ASTN2: variants seen among roughly 807,000 people sequenced by gnomAD.
ASTN2 encodes the protein astrotactin 2.
Under a neutral mutation model 139.8 loss-of-function variants are expected in ASTN2, and 54 were observed. The observed-to-expected ratio is 0.39, with a 90% CI of 0.31 to 0.48. The LOEUF is 0.48. Ranked by LOEUF, ASTN2 falls within the 20% of genes least tolerant of loss-of-function variation. The pLI, the probability that ASTN2 is intolerant of heterozygous loss-of-function variation, is 0.95. For missense variants in ASTN2, 1,565 were observed against 1,725.1 expected (o/e 0.91, Z 1.64); for synonymous variants, 756 against 719.5 (o/e 1.05, Z -0.81).
rs1246320964 is a variant in ASTN2 at position 116,976,785 on chromosome 9, C to G, written c.1592G>C (p.Gly531Ala). The change falls in exon 8 of 23, where the codon GGA becomes GCA. Residue 531 changes from glycine to alanine, a missense_variant and splice_region_variant. Transcript: ENST00000313400. ...ACEQLCDPET[G>A]ECSCHEGYAP... is the part of the protein sequence containing the mutation. ...ATAGCCTTCATGACAGCTGCACTCTCCTGTAAGTGAAAAGAAAAAAGATTA... is the reference window on the plus strand; with the variant it reads ...ATAGCCTTCATGACAGCTGCACTCTGCTGTAAGTGAAAAGAAAAAAGATTA... 6.2e-7 allele frequency: 1 copy of G among 1,613,742 alleles called. No individual in the cohort carries two copies.
intron 2 of ASTN2, among the ~76,000 whole-genome samples, chr9:117,289,486 C>A (rs1834531848): frequency 6.6e-6 from 1 of 152,164 alleles, no homozygotes; most frequent in South Asian, 2.1e-4. Flanking sequence ...GCAAAAAAGA[C>A]ACATTGGAGG....
At chr9:116,919,640 ATTTT>A (rs72054196) in intron 10 of ASTN2, among the ~76,000 whole-genome samples, 8 of 113,568 alleles carry the variant, frequency 7.0e-5, no homozygotes, top group African/African-American at 2.1e-4. Context: ...CAAAAACATC[ATTTT>A]TTTTTTTTTT....
intron 7 of ASTN2, among the ~76,000 whole-genome samples, chr9:116,993,481 C>T (rs1234218838): frequency 6.6e-6 from 1 of 151,510 alleles, no homozygotes; most frequent in Admixed American, 6.6e-5. Context: ...CACACACACC[C>T]CTCATCTTCT....
chr9:117,243,355 C>G (rs1187718184), intron 2 of ASTN2, among the ~76,000 whole-genome samples: 3 of 152,222 alleles, frequency 2.0e-5, no homozygotes, highest in Non-Finnish European at 4.4e-5. Flanking sequence ...GAGTATCAAA[C>G]AGGTTAACCA....
intron 1 of ASTN2, among the ~76,000 whole-genome samples, chr9:117,298,279 C>G (rs904496530): frequency 6.6e-6 from 1 of 152,130 alleles, no homozygotes; most frequent in Admixed American, 6.6e-5. Flanking sequence ...TATAACGTAC[C>G]ACATATACTA....
chr9:117,155,086 C>T (rs1707985544), intron 3 of ASTN2, among the ~76,000 whole-genome samples: 1 of 151,920 alleles, frequency 6.6e-6, no homozygotes, highest in Admixed American at 6.6e-5. Context: ...GAGTGCTGGA[C>T]TGTCCCAAGC....
intron 2 of ASTN2, among the ~76,000 whole-genome samples, chr9:117,261,034 C>A (rs1190211764): frequency 1.3e-5 from 2 of 152,108 alleles, no homozygotes; most frequent in African/African-American, 2.4e-5. Context: ...ACATTATGCT[C>A]AGTACATGTA....
intron 10 of ASTN2, among the ~76,000 whole-genome samples, chr9:116,868,103 T>C (rs1833065454): frequency 6.6e-6 from 1 of 152,150 alleles, no homozygotes; most frequent in Non-Finnish European, 1.5e-5. Flanking sequence ...AGGATACCAG[T>C]GTGAGAATCC....
intron 11 of ASTN2, among the ~76,000 whole-genome samples, chr9:116,853,006 T>A (rs1490527806): frequency 6.6e-6 from 1 of 152,066 alleles, no homozygotes; most frequent in Non-Finnish European, 1.5e-5. Context: ...TAGTTCTGAC[T>A]TAGAAAATTG....
chr9:116,762,210 T>G (rs1204379486), intron 13 of ASTN2, among the ~76,000 whole-genome samples: 1 of 152,234 alleles, frequency 6.6e-6, no homozygotes. Context: ...TTCATTCTTA[T>G]AGCTGATATT....
intron 20 of ASTN2, among the ~76,000 whole-genome samples, chr9:116,448,467 C>T (rs906148782): frequency 6.6e-6 from 1 of 152,216 alleles, no homozygotes; most frequent in Non-Finnish European, 1.5e-5. Context: ...AAGCTCACTG[C>T]TGAGAGATAG....
chr9:116,574,635 T>C (rs1439207878), intron 19 of ASTN2, among the ~76,000 whole-genome samples: 1 of 152,206 alleles, frequency 6.6e-6, no homozygotes, highest in Admixed American at 6.5e-5. Flanking sequence ...TCTAGTTTCC[T>C]CTTGAAAAAG....
In ASTN2 at chr9:117,414,812, GCAGCAGGAGCAGGAA is replaced by G; in HGVS notation, c.112_126del (p.Phe38_Leu42del). The G allele has an allele frequency of 8.2e-7, 1 of 1,220,004 alleles. No individual in the cohort carries two copies. Among genetic ancestry groups the G allele is most frequent in the Non-Finnish European group, 1.0e-6 (1 of 979,264 alleles). 75.6% of individuals were successfully genotyped at this position (1,220,004 alleles called of 1,614,324 possible). On this transcript the variant is annotated inframe_deletion, in exon 1 of 23. Transcript: ENST00000313400. This position sits in a 1 kb window ranked among gnomAD's most constrained non-coding sequence, Gnocchi z 4.2. ...GCGCCGGCCAGCAGCGGCGGCGGCG[GCAGCAGGAGCAGGAA>G]CAGCAGCAGCAGCGGCAGCAGTGGC...
intron 11 of ASTN2, among the ~76,000 whole-genome samples, chr9:116,824,779 A>G (rs1241385573): frequency 1.3e-5 from 2 of 152,252 alleles, no homozygotes; most frequent in African/African-American, 2.4e-5. Context: ...TAGCACAGTG[A>G]TCAACAAATA....
intron 4 of ASTN2, among the ~76,000 whole-genome samples, chr9:117,122,213 C>T (rs1829575843): frequency 6.6e-6 from 1 of 152,148 alleles, no homozygotes; most frequent in African/African-American, 2.4e-5. Context: ...CTATTGGATG[C>T]TATCAAGAAA....
chr9:116,574,534 G>C (rs1007753898), intron 19 of ASTN2, among the ~76,000 whole-genome samples: 2 of 152,328 alleles, frequency 1.3e-5, no homozygotes, highest in Non-Finnish European at 2.9e-5. Context: ...TTTGAGATAA[G>C]CTGAATAAAC....
chr9:117,045,669 T>C (rs1236027279), intron 5 of ASTN2, among the ~76,000 whole-genome samples: 2 of 152,150 alleles, frequency 1.3e-5, no homozygotes, highest in Non-Finnish European at 2.9e-5. Context: ...AAATGAAATT[T>C]AAGTTAAATT....
At chr9:117,292,381 A>T (rs1240313843) in intron 1 of ASTN2, among the ~76,000 whole-genome samples, 1 of 152,178 alleles carries the variant, frequency 6.6e-6, no homozygotes, top group Non-Finnish European at 1.5e-5. Flanking sequence ...AGATGATGAA[A>T]GTGTCATTGC....
chr9:117,024,044 A>G (rs558416916), intron 6 of ASTN2, among the ~76,000 whole-genome samples: 4 of 152,240 alleles, frequency 2.6e-5, no homozygotes, highest in African/African-American at 9.6e-5. Context: ...AGAGAGGAGA[A>G]GCTGAGGCCA....
Sources: gnomAD v4.1 joint callset for allele counts (sites outside exome capture counted in the v4.1 genomes callset) on GRCh38, gnomAD v4.1.1 for gene constraint, Gnocchi (gnomAD v3.1) non-coding constraint, MANE v1.5 for transcripts, NCBI Gene and HGNC (gene_info 2026-07-23, HGNC 2026-07-21) for gene names.